Variants in DCC observed in about 807,000 individuals in gnomAD.
The protein encoded by DCC is netrin receptor DCC.
Under a neutral mutation model 172.5 loss-of-function variants are expected in DCC, and 58 were observed. That is an observed-to-expected ratio of 0.34 (90% CI 0.27 to 0.42). The LOEUF (loss-of-function observed/expected upper bound fraction) is 0.42, where lower values mean the gene tolerates loss of function less well. Among genes scored for constraint, DCC ranks in the 10% least tolerant of loss-of-function variants. DCC has a pLI of 1.00. For synonymous variants in DCC, 709 were observed against 644.5 expected (o/e 1.10, Z -1.52); for missense variants, 1,740 against 1,791.0 (o/e 0.97, Z 0.51).
At chr18:53,164,272 T>G (rs981739180) in intron 8 of DCC, among the ~76,000 whole-genome samples, 3 of 152,088 alleles carry the variant, frequency 2.0e-5, no homozygotes, top group Non-Finnish European at 4.4e-5. Context: ...AGAGATGAGG[T>G]TTTGCTATGT....
intron 1 of DCC, among the ~76,000 whole-genome samples, chr18:52,584,043 T>C (rs2033616474): frequency 6.6e-6 from 1 of 152,226 alleles, no homozygotes; most frequent in African/African-American, 2.4e-5. Context: ...TTTTCATAGC[T>C]GAATTATAAT....
At chr18:52,345,583 G>A (rs754250118) in intron 1 of DCC, among the ~76,000 whole-genome samples, 12 of 152,162 alleles carry the variant, frequency 7.9e-5, no homozygotes, top group Middle Eastern at 6.8e-3. Flanking sequence ...TTTTCAGCTC[G>A]TTTCTAAGGA....
rs529540625 is a variant in DCC at position 52,538,587 on chromosome 18, C to G, written c.91+197709C>G. Among the ~76,000 whole-genome samples the G allele has an allele frequency of 1.4e-4, 22 of 152,252 alleles. No homozygotes were observed. The South Asian group carries it at 4.4e-3, about 30-fold the overall frequency. On this transcript the variant is annotated intron_variant, in intron 1 of 28. Transcript: ENST00000442544. Reference sequence around the variant, plus strand: ...TTTTGTCTATCTCCTTCCATTCCTCCTTGCTCCAGACTGGATACAGTTCAG... The same window carrying G: ...TTTTGTCTATCTCCTTCCATTCCTCGTTGCTCCAGACTGGATACAGTTCAG...
intron 1 of DCC, among the ~76,000 whole-genome samples, chr18:52,425,800 G>A (rs970226090): frequency 6.6e-6 from 1 of 152,114 alleles, no homozygotes; most frequent in African/African-American, 2.4e-5. Context: ...GAAATTATGT[G>A]ACTTTGGCTT....
At chr18:52,702,806 A>G (rs1001106200) in intron 1 of DCC, among the ~76,000 whole-genome samples, 2 of 152,032 alleles carry the variant, frequency 1.3e-5, no homozygotes, top group Admixed American at 6.6e-5. Flanking sequence ...GAGATATTCA[A>G]ATGTTTATCT....
At chr18:53,346,087 A>G (rs887079215) in intron 15 of DCC, among the ~76,000 whole-genome samples, 1 of 152,020 alleles carries the variant, frequency 6.6e-6, no homozygotes, top group Non-Finnish European at 1.5e-5. Context: ...TTGACCTCCC[A>G]GGCTCAAGTA....
intron 9 of DCC, among the ~76,000 whole-genome samples, chr18:53,186,048 A>G (rs946679726): frequency 6.6e-6 from 1 of 152,216 alleles, no homozygotes; most frequent in African/African-American, 2.4e-5. Flanking sequence ...GAACAGTGGT[A>G]TATCGTAAGT....
At chr18:52,485,204 A>C (rs1228497044) in intron 1 of DCC, among the ~76,000 whole-genome samples, 2 of 152,110 alleles carry the variant, frequency 1.3e-5, no homozygotes, top group African/African-American at 4.8e-5. Flanking sequence ...AAACAGCTTA[A>C]ATTAATAAAG....
Position 52,876,979 on chromosome 18 carries a change from A to G in DCC, c.413-29065A>G, listed in dbSNP as rs982965175. ...GTTAAATTTGAATTTCAGATAAACAATGAATATGTTTTTAATATAATTGTG... is the reference window on the plus strand; with the variant it reads ...GTTAAATTTGAATTTCAGATAAACAGTGAATATGTTTTTAATATAATTGTG... On this transcript the variant is annotated intron_variant, in intron 2 of 28. Transcript: ENST00000442544. Among the ~76,000 whole-genome samples, 6 of 152,254 alleles carry G rather than the reference A, an allele frequency of 3.9e-5. No individual in the cohort carries two copies. The East Asian group carries it at 9.6e-4, about 24-fold the overall frequency.
chr18:53,373,318 A>G (rs1302413466), intron 15 of DCC, among the ~76,000 whole-genome samples: 1 of 151,976 alleles, frequency 6.6e-6, no homozygotes, highest in Non-Finnish European at 1.5e-5. Flanking sequence ...GGATGCTGAC[A>G]TTTGGTAGCT....
At chr18:52,743,304 C>T (rs760290829) in intron 1 of DCC, among the ~76,000 whole-genome samples, 1 of 152,180 alleles carries the variant, frequency 6.6e-6, no homozygotes, top group Non-Finnish European at 1.5e-5. Flanking sequence ...AACACGGAAG[C>T]TAAAGCTAGC....
At chr18:52,477,125 A>G (rs924938167) in intron 1 of DCC, among the ~76,000 whole-genome samples, 3 of 152,124 alleles carry the variant, frequency 2.0e-5, no homozygotes, top group Non-Finnish European at 4.4e-5. Context: ...CTGTGGGTCA[A>G]CGTTTTCCAC....
chr18:53,350,134 T>C (rs1477839644), intron 15 of DCC, among the ~76,000 whole-genome samples: 2 of 152,150 alleles, frequency 1.3e-5, no homozygotes, highest in Non-Finnish European at 2.9e-5. Flanking sequence ...CAACTGATAT[T>C]AAACAAACAT....
At chr18:52,407,140 C>G (rs1986681376) in intron 1 of DCC, among the ~76,000 whole-genome samples, 1 of 152,010 alleles carries the variant, frequency 6.6e-6, no homozygotes, top group Non-Finnish European at 1.5e-5. Context: ...TGATTATTAA[C>G]AACCACTTAT....
chr18:53,106,994 G>A (rs138280138), intron 7 of DCC, among the ~76,000 whole-genome samples: 1 of 151,844 alleles, frequency 6.6e-6, no homozygotes, highest in East Asian at 1.9e-4. Context: ...AAGACATAGG[G>A]ACATCAGGAC....
intron 5 of DCC, among the ~76,000 whole-genome samples, chr18:52,970,786 A>G (rs1423546118): frequency 6.6e-6 from 1 of 152,204 alleles, no homozygotes; most frequent in African/African-American, 2.4e-5. Flanking sequence ...ATTCCATTTG[A>G]AGCCTCTGTA....
intron 5 of DCC, among the ~76,000 whole-genome samples, chr18:52,999,096 T>TGTA (rs1343116467): frequency 6.6e-6 from 1 of 152,090 alleles, no homozygotes; most frequent in African/African-American, 2.4e-5. Flanking sequence ...AGGGACTGAA[T>TGTA]GTAAATAGGT....
chr18:52,992,132 C>T (rs1044687149), intron 5 of DCC, among the ~76,000 whole-genome samples: 1 of 152,254 alleles, frequency 6.6e-6, no homozygotes, highest in East Asian at 1.9e-4. Context: ...GCCCTTTATG[C>T]GAATGGTGGA....
At chr18:52,915,089 A>AT (rs991192776) in intron 3 of DCC, among the ~76,000 whole-genome samples, 8 of 152,124 alleles carry the variant, frequency 5.3e-5, no homozygotes, top group South Asian at 4.1e-4. Flanking sequence ...GAAAACTGGT[A>AT]TTTTTTTCTT....
Sources: gnomAD v4.1 joint callset for allele counts (sites outside exome capture counted in the v4.1 genomes callset) on GRCh38, gnomAD v4.1.1 for gene constraint, MANE v1.5 for transcripts, NCBI Gene and HGNC (gene_info 2026-07-23, HGNC 2026-07-21) for gene names.